The following N4BP2 variants were observed in gnomAD, a reference collection of about 807,000 sequenced individuals.
The protein encoded by N4BP2 is NEDD4 binding protein 2.
A neutral mutation model predicts 152.8 loss-of-function variants in N4BP2; 91 were observed. That is an observed-to-expected ratio of 0.60 (90% CI 0.50 to 0.71). The LOEUF (loss-of-function observed/expected upper bound fraction) is 0.71. Ranked by LOEUF, N4BP2 falls within the 30% of genes least tolerant of loss-of-function variation. N4BP2 has a pLI of 0.00. For synonymous variants in N4BP2, 646 were observed against 705.3 expected (o/e 0.92, Z 1.33); for missense variants, 1,923 against 2,059.1 (o/e 0.93, Z 1.28).
chr4:40,190,223 C>T, the N4BP2 span, among the ~76,000 whole-genome samples: 5 of 152,296 alleles, frequency 3.3e-5, no homozygotes, highest in Admixed American at 1.3e-4. Flanking sequence ...CTGCTGTCTC[C>T]CTGGCACCTA....
intron 1 of N4BP2, among the ~76,000 whole-genome samples, chr4:40,064,937 G>A (rs1294939061): frequency 6.6e-6 from 1 of 151,784 alleles, no homozygotes; most frequent in Non-Finnish European, 1.5e-5. Flanking sequence ...CACTCGCTAA[G>A]TTTTGTATTT....
chr4:40,135,136 C>T (rs2110019812), intron 13 of N4BP2, among the ~76,000 whole-genome samples: 1 of 129,400 alleles, frequency 7.7e-6, no homozygotes, highest in South Asian at 2.5e-4. Context: ...GTGTGATGTT[C>T]CCCTTCCTGT....
At position 40,097,513 on chromosome 4, in the gene N4BP2, T is replaced by G. The variant is rs1415456260; in HGVS notation, c.173T>G (p.Phe58Cys). The G allele has an allele frequency of 1.2e-6, 2 of 1,613,928 alleles. No homozygotes were observed. The highest frequency in any genetic ancestry group is 2.7e-5 in the African/African-American group (2 of 74,914). Reference protein sequence around the residue: ...EELFTSISEIFSDLDPDVVYL... With the variant: ...EELFTSISEICSDLDPDVVYL... ...CTCTTCACCAGTATCTCAGAGATAT[T>G]TTCTGATCTGGATCCTGATGTAGTG... Residue 58 changes from phenylalanine (F) to cysteine (C), a missense_variant, in exon 3 of 18, where the codon TTT becomes TGT. Coordinates refer to ENST00000261435, the MANE Select transcript of N4BP2 (RefSeq NM_018177.6).
chr4:40,115,341 A>G (rs1049636755), intron 7 of N4BP2, among the ~76,000 whole-genome samples: 13 of 152,036 alleles, frequency 8.6e-5, no homozygotes, highest in African/African-American at 2.9e-4. Flanking sequence ...TACAAAAAAT[A>G]AAAAAATTAG....
the N4BP2 span, among the ~76,000 whole-genome samples, chr4:40,175,807 GAAAAAAAA>G: frequency 4.7e-5 from 3 of 64,022 alleles, no homozygotes; most frequent in South Asian, 5.0e-4. Flanking sequence ...CTCGTCTCAA[GAAAAAAAA>G]AAAAAAAAAA....
At chr4:40,079,016 A>G (rs1713078411) in intron 2 of N4BP2, among the ~76,000 whole-genome samples, 1 of 151,898 alleles carries the variant, frequency 6.6e-6, no homozygotes, top group South Asian at 2.1e-4. Context: ...CAGTGGCGCG[A>G]TCTCAAGCGA....
chr4:40,127,889 CTG>C (rs1718569740), intron 12 of N4BP2, among the ~76,000 whole-genome samples: 1 of 152,136 alleles, frequency 6.6e-6, no homozygotes, highest in South Asian at 2.1e-4. Flanking sequence ...TCTTGATCTC[CTG>C]ACCTTGTGAT....
intron 2 of N4BP2, 36 bp from the exon 3 acceptor site, chr4:40,097,191 T>C: frequency 3.2e-6 from 2 of 621,124 alleles, no homozygotes; most frequent in South Asian, 4.0e-5. Context: ...TGGAAATATA[T>C]ATAGTCTGAG....
At chr4:40,077,393 C>T (rs1175343267) in intron 2 of N4BP2, among the ~76,000 whole-genome samples, 1 of 151,538 alleles carries the variant, frequency 6.6e-6, no homozygotes, top group Non-Finnish European at 1.5e-5. Flanking sequence ...AGTGATCTGC[C>T]TGCCTCGGCC....
intron 12 of N4BP2, among the ~76,000 whole-genome samples, chr4:40,127,608 T>TAGTA (rs1375770442): frequency 2.0e-5 from 3 of 151,970 alleles, no homozygotes; most frequent in African/African-American, 7.2e-5. Context: ...TTATATATAT[T>TAGTA]AGTAATAAGA....
At chr4:40,110,143 A>G (rs574239973) in intron 5 of N4BP2, among the ~76,000 whole-genome samples, 1 of 152,272 alleles carries the variant, frequency 6.6e-6, no homozygotes, top group South Asian at 2.1e-4. Context: ...ATGTTGTAGC[A>G]TGTGTTTCAT....
At chr4:40,148,702 C>T (rs1720856928) in intron 16 of N4BP2, among the ~76,000 whole-genome samples, 1 of 152,126 alleles carries the variant, frequency 6.6e-6, no homozygotes, top group Admixed American at 6.5e-5. Context: ...GTTGCTTAGA[C>T]TGGTCTCGAA....
chr4:40,062,261 A>G (rs1313617909), intron 1 of N4BP2, among the ~76,000 whole-genome samples: 1 of 151,370 alleles, frequency 6.6e-6, no homozygotes, highest in Non-Finnish European at 1.5e-5. Context: ...TGTATTTTTA[A>G]TAGAGATGGG....
At position 40,081,807 on chromosome 4, in the gene N4BP2, C is replaced by T. The variant is rs754688132; in HGVS notation, c.-115+8256C>T. ...CCTGGCCAATGTGGTGAAACCCCATCGCTACTAAAAAATACAAAAATAAGG... is the reference window on the plus strand; with the variant it reads ...CCTGGCCAATGTGGTGAAACCCCATTGCTACTAAAAAATACAAAAATAAGG... On this transcript the variant is annotated intron_variant, in intron 2 of 17. Transcript: ENST00000261435. Among the ~76,000 whole-genome samples the T allele has an allele frequency of 4.6e-5, 7 of 150,610 alleles. No individual in the cohort carries two copies. In the South Asian group the frequency reaches 1.3e-3, roughly 27 times the overall value.
In N4BP2 at chr4:40,120,882, C is replaced by A. The variant is rs761615843; in HGVS notation, c.2771C>A (p.Ser924Tyr). The A allele has an allele frequency of 6.2e-7, 1 of 1,614,076 alleles. No individual in the cohort carries two copies. Among genetic ancestry groups the A allele is most frequent in the Non-Finnish European group, 8.5e-7 (1 of 1,180,004 alleles). Residue 924 changes from serine (S) to tyrosine (Y), a missense_variant, in exon 9 of 18, where the codon TCT becomes TAT. Coordinates refer to ENST00000261435, the MANE Select transcript of N4BP2 (RefSeq NM_018177.6). ...GACAAAATGAATGAAATATCCTTATCTACAGCACATGAGGCCTGTTGGGGC... is the reference window on the plus strand; with the variant it reads ...GACAAAATGAATGAAATATCCTTATATACAGCACATGAGGCCTGTTGGGGC... Reference protein sequence around the residue: ...TNDKMNEISLSTAHEACWGTS... With the variant: ...TNDKMNEISLYTAHEACWGTS...
chr4:40,114,165 T>C (rs189372399), intron 7 of N4BP2, among the ~76,000 whole-genome samples: 259 of 152,330 alleles, frequency 1.7e-3, no homozygotes, highest in African/African-American at 5.8e-3. Flanking sequence ...AAGGCATGGA[T>C]GTACAGTTTG....
intron 13 of N4BP2, 21 bp downstream of exon 13, chr4:40,131,940 C>T (rs773027915): frequency 7.3e-7 from 1 of 1,377,900 alleles, no homozygotes; most frequent in Non-Finnish European, 1.0e-6. Flanking sequence ...GAAGGATTGT[C>T]TGTAGTTTCT....
rs749888663 is a variant in N4BP2 at position 40,118,012 on chromosome 4, A to G, written c.1808A>G (p.Asp603Gly). ...RIELCAYSCE[D>G]RSTSPRDDED... Reference sequence around the variant, plus strand: ...GAGTTGTGTGCATATTCTTGTGAGGATAGAAGCACTAGGTAGGTTAAAATG... The same window carrying G: ...GAGTTGTGTGCATATTCTTGTGAGGGTAGAAGCACTAGGTAGGTTAAAATG... The change falls in exon 8 of 18, where the codon GAT becomes GGT. Residue 603 changes from aspartate to glycine, a missense_variant. By Grantham distance (94) the Asp-to-Gly change is moderately conservative (BLOSUM62 -1). Transcript: ENST00000261435. The G allele has an allele frequency of 6.9e-6, 11 of 1,593,746 alleles. No homozygotes were observed. The African/African-American group carries it at 1.1e-4, about 16-fold the overall frequency.
intron 16 of N4BP2, among the ~76,000 whole-genome samples, chr4:40,151,194 A>G (rs1316280130): frequency 1.3e-5 from 2 of 152,236 alleles, no homozygotes; most frequent in Non-Finnish European, 2.9e-5. Flanking sequence ...AATCGTATAA[A>G]TGACTGACCT....
Sources: gnomAD v4.1 joint callset for allele counts (sites outside exome capture counted in the v4.1 genomes callset) on GRCh38, gnomAD v4.1.1 for gene constraint, MANE v1.5 for transcripts, NCBI Gene and HGNC (gene_info 2026-07-23, HGNC 2026-07-21) for gene names.